FRYL: variants seen among roughly 807,000 people sequenced by gnomAD.
The protein encoded by FRYL is FRY like transcription coactivator.
Under a neutral mutation model 351.2 loss-of-function variants are expected in FRYL, and 150 were observed. The observed-to-expected ratio is 0.43, with a 90% CI of 0.37 to 0.49. FRYL has a LOEUF of 0.49. Ranked by LOEUF, FRYL falls within the 20% of genes least tolerant of loss-of-function variation. The pLI, the probability that FRYL is intolerant of heterozygous loss-of-function variation, is 0.00. For synonymous variants in FRYL, 1,153 were observed against 1,257.1 expected (o/e 0.92, Z 1.75); for missense variants, 3,036 against 3,619.3 (o/e 0.84, Z 4.13).
At chr4:48,754,340 T>A (rs1269848849) in intron 1 of FRYL, among the ~76,000 whole-genome samples, 2 of 152,252 alleles carry the variant, frequency 1.3e-5, no homozygotes, top group Non-Finnish European at 2.9e-5. Context: ...GGCTGAATAA[T>A]ACTCCATTGC....
At chr4:48,717,985 A>G (rs996793033) in intron 1 of FRYL, among the ~76,000 whole-genome samples, 11 of 151,680 alleles carry the variant, frequency 7.3e-5, no homozygotes, top group Admixed American at 6.6e-4. Context: ...TTATAACTCC[A>G]TATAATGAGA....
At chr4:48,726,404 G>A (rs1451320508) in intron 1 of FRYL, among the ~76,000 whole-genome samples, 3 of 152,138 alleles carry the variant, frequency 2.0e-5, no homozygotes, top group African/African-American at 7.2e-5. Flanking sequence ...AGATGCGGGC[G>A]GGTGCAGTGG....
chr4:48,506,316 T>G (rs1362126927), intron 59 of FRYL: 1 of 151,646 alleles, frequency 6.6e-6, no homozygotes, highest in Non-Finnish European at 1.5e-5. Context: ...GGAGGACTGC[T>G]AGAGGGCAGG....
At chr4:48,711,074 G>A (rs1396530014) in intron 1 of FRYL, among the ~76,000 whole-genome samples, 2 of 152,286 alleles carry the variant, frequency 1.3e-5, no homozygotes, top group East Asian at 3.9e-4. Context: ...ACATTATGCT[G>A]GGGGGAGGAG....
chr4:48,663,532 A>T (rs1761181650), intron 3 of FRYL, among the ~76,000 whole-genome samples: 2 of 151,706 alleles, frequency 1.3e-5, no homozygotes, highest in Admixed American at 1.3e-4. Context: ...AATACAAGTG[A>T]TCTAAAAACT....
chr4:48,648,757 C>G (rs1212711169), intron 3 of FRYL, among the ~76,000 whole-genome samples: 1 of 151,882 alleles, frequency 6.6e-6, no homozygotes, highest in Non-Finnish European at 1.5e-5. Context: ...ATGTAAGAAC[C>G]CTGTCACAAA....
Position 48,553,375 on chromosome 4 carries a change from C to T in FRYL, c.4275G>A (p.Lys1425=). 1 of 1,603,214 alleles carries T rather than the reference C, an allele frequency of 6.2e-7. No individual in the cohort carries two copies. Among genetic ancestry groups the T allele is most frequent in the Non-Finnish European group, 8.5e-7 (1 of 1,175,828 alleles). The part of the protein sequence containing the change: ...SEPSLLPYVK[K]VIVYLGRDKT... The stretch of plus-strand genomic sequence containing the variant: ...TATCTCTACCTAAATATACAATGAC[C>T]TTCTTCACCTGTCACAAAAGAAATC... Residue 1425 remains lysine (K), a synonymous_variant, in exon 36 of 64, where the codon AAG becomes AAA. Coordinates refer to ENST00000358350, the MANE Select transcript of FRYL (RefSeq NM_015030.2).
At chr4:48,531,968 C>G (rs1428608429) in intron 49 of FRYL, among the ~76,000 whole-genome samples, 1 of 151,728 alleles carries the variant, frequency 6.6e-6, no homozygotes, top group South Asian at 2.1e-4. Flanking sequence ...AATTTTTCTG[C>G]TTGTCTTAGT....
Position 48,654,327 on chromosome 4 carries a change from C to CA in FRYL, c.-80-19838dup, listed in dbSNP as rs968674213. Reference sequence around the variant, plus strand: ...AAAAAAAAAAAAACAAAAACAAAAACAAAAAAAACTGGAGGTATTTGGCTG... The same window carrying CA: ...AAAAAAAAAAAAACAAAAACAAAAACAAAAAAAAACTGGAGGTATTTGGCTG... On this transcript the variant is annotated intron_variant, in intron 3 of 63. Transcript: ENST00000358350. Among the ~76,000 whole-genome samples, 15 of 146,368 alleles carry CA rather than the reference C, an allele frequency of 1.0e-4. No homozygotes were observed. The East Asian group carries it at 1.2e-3, about 12-fold the overall frequency.
chr4:48,544,121 G>T, intron 43 of FRYL, 124 bp from the exon 44 acceptor site: 1 of 753,222 alleles, frequency 1.3e-6, no homozygotes. Context: ...CATTTTATAA[G>T]TCAATGCTTT....
chr4:48,626,710 T>C (rs1337151748), intron 4 of FRYL, among the ~76,000 whole-genome samples: 2 of 152,150 alleles, frequency 1.3e-5, no homozygotes, highest in African/African-American at 2.4e-5. Context: ...ATTAAATACA[T>C]ATCACAGAAA....
intron 3 of FRYL, among the ~76,000 whole-genome samples, chr4:48,647,063 A>G (rs1756645311): frequency 6.6e-6 from 1 of 152,202 alleles, no homozygotes; most frequent in South Asian, 2.1e-4. Context: ...AGGAAATGGA[A>G]TACCAAAGTT....
intron 18 of FRYL, among the ~76,000 whole-genome samples, chr4:48,587,079 A>C (rs1461314013): frequency 2.0e-5 from 3 of 151,878 alleles, no homozygotes; most frequent in African/African-American, 7.2e-5. Context: ...ATATTAAAAT[A>C]AATAGCACTG....
chr4:48,591,102 T>C (rs1268535643), intron 16 of FRYL, among the ~76,000 whole-genome samples: 1 of 152,140 alleles, frequency 6.6e-6, no homozygotes, highest in Non-Finnish European at 1.5e-5. Context: ...TCAACTCTCC[T>C]ATCCTTCTAT....
chr4:48,776,752 G>C (rs1440431282), intron 1 of FRYL, among the ~76,000 whole-genome samples: 2 of 152,084 alleles, frequency 1.3e-5, no homozygotes, highest in Non-Finnish European at 2.9e-5. Context: ...CACATACTCT[G>C]TCTCCCCAAA....
At chr4:48,673,775 A>G (rs1452174213) in intron 3 of FRYL, among the ~76,000 whole-genome samples, 2 of 152,250 alleles carry the variant, frequency 1.3e-5, no homozygotes, top group Admixed American at 1.3e-4. Flanking sequence ...GAGGACTTAG[A>G]TAACATTCAC....
intron 3 of FRYL, among the ~76,000 whole-genome samples, chr4:48,668,529 TA>T (rs1762141200): frequency 1.3e-5 from 2 of 152,044 alleles, no homozygotes; most frequent in African/African-American, 4.8e-5. Flanking sequence ...TGTTAACAAG[TA>T]AAAACTTGCT....
Position 48,499,629 on chromosome 4 carries a change from C to T in FRYL, c.8835G>A (p.Gln2945=). 6.2e-7 allele frequency: 1 copy of T among 1,613,848 alleles called. No individual in the cohort carries two copies. ...GATGGAAATATATATGTAACAGTGT[C>T]TGTACAGGGTCATCTTCACAACTGC... is the stretch of plus-strand genomic sequence containing the variant. ...IFGSCEDDPV[Q]TLLHIYFHHQ... The change falls in exon 64 of 64, where the codon CAG becomes CAA. Residue 2945 remains glutamine, a synonymous_variant. Transcript: ENST00000358350.
intron 6 of FRYL, among the ~76,000 whole-genome samples, chr4:48,619,948 A>T (rs1018664137): frequency 6.6e-6 from 1 of 152,278 alleles, no homozygotes. Context: ...AAAGTATTTT[A>T]AATTTCATTT....
Sources: allele counts gnomAD v4.1 joint callset (sites outside exome capture counted in the v4.1 genomes callset), GRCh38; gene constraint gnomAD v4.1.1; transcripts MANE v1.5; gene names NCBI Gene and HGNC (gene_info 2026-07-23, HGNC 2026-07-21).